Variants in KCNIP4 observed in about 807,000 individuals in gnomAD.
KCNIP4 encodes potassium voltage-gated channel interacting protein 4.
In KCNIP4, 12 loss-of-function variants were observed where a neutral mutation model predicts 34.0. The observed-to-expected ratio is 0.35, with a 90% CI of 0.23 to 0.57. The LOEUF (loss-of-function observed/expected upper bound fraction) is 0.57. Among genes scored for constraint, KCNIP4 ranks in the 20% least tolerant of loss-of-function variants. The pLI, the probability that KCNIP4 is intolerant of heterozygous loss-of-function variation, is 0.83. For synonymous variants in KCNIP4, 124 were observed against 102.2 expected, an observed-to-expected ratio of 1.21 and a Z score of -1.29; for missense variants, 238 against 311.7, an observed-to-expected ratio of 0.76 and a Z score of 1.78.
chr4:20,755,355 A>G (rs527981088), intron 4 of KCNIP4, among the ~76,000 whole-genome samples: 1 of 152,374 alleles, frequency 6.6e-6, no homozygotes, highest in Admixed American at 6.5e-5. Flanking sequence ...TTTGTATGAA[A>G]CAACTAATAC....
At chr4:21,811,466 G>A (rs935067845) in intron 1 of KCNIP4, among the ~76,000 whole-genome samples, 2 of 152,170 alleles carry the variant, frequency 1.3e-5, no homozygotes, top group Admixed American at 1.3e-4. Context: ...TTATCCAGGT[G>A]TTTTCAATAA....
chr4:21,482,419 C>T (rs999925322), intron 1 of KCNIP4, among the ~76,000 whole-genome samples: 1 of 152,162 alleles, frequency 6.6e-6, no homozygotes, highest in Non-Finnish European at 1.5e-5. Flanking sequence ...ATGGTCTTTA[C>T]AATTTGGCAT....
intron 1 of KCNIP4, among the ~76,000 whole-genome samples, chr4:21,525,965 T>G (rs1389009948): frequency 6.6e-6 from 1 of 151,732 alleles, no homozygotes; most frequent in Non-Finnish European, 1.5e-5. Flanking sequence ...GGCAATTTTC[T>G]TATTACTAAA....
rs1332053680 is a variant in KCNIP4 at position 21,374,645 on chromosome 4, G to C, written c.62-491936C>G. Among the ~76,000 whole-genome samples the C allele has an allele frequency of 2.7e-5, 4 of 147,734 alleles. 1 individual carries two copies. The highest frequency in any genetic ancestry group is 2.1e-4 in the South Asian group (1 of 4,758). On this transcript the variant is annotated intron_variant, in intron 1 of 8. Coordinates refer to ENST00000382152, the MANE Select transcript of KCNIP4 (RefSeq NM_025221.6). The stretch of plus-strand genomic sequence containing the variant: ...AACTTAATAGAGTGTTTTAAAATAT[G>C]ATGGCAGTTTATTTTCATCAATGGT...
At chr4:21,768,888 G>A (rs1378884502) in intron 1 of KCNIP4, among the ~76,000 whole-genome samples, 3 of 151,894 alleles carry the variant, frequency 2.0e-5, no homozygotes, top group Non-Finnish European at 2.9e-5. Context: ...TTATTTGTTG[G>A]ATACATTACA....
At chr4:21,131,084 T>G (rs1043405460) in intron 1 of KCNIP4, among the ~76,000 whole-genome samples, 2 of 152,130 alleles carry the variant, frequency 1.3e-5, no homozygotes, top group Non-Finnish European at 2.9e-5. Context: ...TGTATATATA[T>G]GCTCCCCGAA....
intron 5 of KCNIP4, among the ~76,000 whole-genome samples, chr4:20,745,529 C>G (rs1007069695): frequency 6.6e-6 from 1 of 152,148 alleles, no homozygotes; most frequent in African/African-American, 2.4e-5. Flanking sequence ...ACAAACTTAA[C>G]AACAACTCTC....
At chr4:21,070,544 T>C (rs193280808) in intron 1 of KCNIP4, among the ~76,000 whole-genome samples, 36 of 152,172 alleles carry the variant, frequency 2.4e-4, no homozygotes, top group African/African-American at 7.5e-4. Context: ...TGTCTGGCAA[T>C]GGTGATTAGC....
At chr4:20,952,996 G>A (rs1390415772) in intron 1 of KCNIP4, among the ~76,000 whole-genome samples, 1 of 152,214 alleles carries the variant, frequency 6.6e-6, no homozygotes, top group Non-Finnish European at 1.5e-5. Context: ...TCCCATTTAT[G>A]GGAATGGAGC....
At chr4:21,642,779 C>T (rs1746705664) in intron 1 of KCNIP4, among the ~76,000 whole-genome samples, 1 of 152,062 alleles carries the variant, frequency 6.6e-6, no homozygotes, top group Non-Finnish European at 1.5e-5. Context: ...AGTTACAGTG[C>T]TGGCTGGGAT....
intron 1 of KCNIP4, among the ~76,000 whole-genome samples, chr4:21,934,457 C>A (rs113632562): frequency 1.8e-4 from 27 of 152,198 alleles, no homozygotes; most frequent in African/African-American, 4.8e-4. Flanking sequence ...CAGGCTCCAC[C>A]TTCAACACTG....
At position 21,807,476 on chromosome 4, in the gene KCNIP4, C is replaced by T. The variant is rs1004914393; in HGVS notation, c.61+141095G>A. On this transcript the variant is annotated intron_variant, in intron 1 of 8. Transcript: ENST00000382152. ...GGGTCACTCAATCTAGGGCAGCTTG[C>T]CATGCATATCAATAAATTAAATTAT... Among the ~76,000 whole-genome samples the T allele has an allele frequency of 2.6e-5, 4 of 152,238 alleles. No homozygotes were observed. The East Asian group carries it at 5.8e-4, about 22-fold the overall frequency.
chr4:21,380,244 T>G (rs1721354325), intron 1 of KCNIP4, among the ~76,000 whole-genome samples: 1 of 152,078 alleles, frequency 6.6e-6, no homozygotes. Context: ...CTAAAAAACT[T>G]CCTAAGATAA....
chr4:20,936,996 C>T (rs7690016), intron 1 of KCNIP4, among the ~76,000 whole-genome samples: 121,115 of 151,804 alleles, frequency 0.8, 48,510 homozygotes, highest in African/African-American at 0.85. Context: ...AGGAAAAAAG[C>T]GTAACGTTCT....
intron 1 of KCNIP4, among the ~76,000 whole-genome samples, chr4:21,625,938 G>C (rs1392213100): frequency 6.6e-6 from 1 of 152,062 alleles, no homozygotes; most frequent in African/African-American, 2.4e-5. Flanking sequence ...GACAGCAAAA[G>C]CCTTTGACCC....
chr4:20,954,166 A>G (rs911096221), intron 1 of KCNIP4, among the ~76,000 whole-genome samples: 1 of 152,224 alleles, frequency 6.6e-6, no homozygotes, highest in Non-Finnish European at 1.5e-5. Context: ...TGATGGCAAG[A>G]AACCTGGAGA....
intron 1 of KCNIP4, among the ~76,000 whole-genome samples, chr4:21,149,187 T>C (rs953172128): frequency 6.6e-6 from 1 of 152,228 alleles, no homozygotes; most frequent in African/African-American, 2.4e-5. Context: ...GAGGGTTTTA[T>C]AGTTTTGGGA....
intron 1 of KCNIP4, among the ~76,000 whole-genome samples, chr4:21,226,699 T>TG (rs374983842): frequency 4.6e-5 from 7 of 152,176 alleles, no homozygotes; most frequent in African/African-American, 1.7e-4. Flanking sequence ...AACAATCTAC[T>TG]GGTTTCAGGG....
intron 1 of KCNIP4, among the ~76,000 whole-genome samples, chr4:21,731,978 T>A (rs989549175): frequency 1.3e-5 from 2 of 151,812 alleles, no homozygotes; most frequent in East Asian, 3.9e-4. Context: ...TTATATATGC[T>A]CCAGCTATTC....
Sources: gnomAD v4.1 joint callset for allele counts (sites outside exome capture counted in the v4.1 genomes callset) on GRCh38, gnomAD v4.1.1 for gene constraint, MANE v1.5 for transcripts, NCBI Gene and HGNC (gene_info 2026-07-23, HGNC 2026-07-21) for gene names.